Variants in SLC12A2 observed in about 807,000 individuals in gnomAD.
SLC12A2 encodes Na-K-2Cl cotransporter 1.
In SLC12A2, 67 loss-of-function variants were observed where a neutral mutation model predicts 136.3. That is an observed-to-expected ratio of 0.49 (90% CI 0.40 to 0.60). The LOEUF is 0.60. SLC12A2 is among the 20% of genes least tolerant of loss of function. SLC12A2 has a pLI of 0.00. For synonymous variants in SLC12A2, 619 were observed against 562.9 expected (o/e 1.10, Z -1.41); for missense variants, 1,322 against 1,534.7 (o/e 0.86, Z 2.32).
chr5:128,157,477 G>T (rs940761963), intron 15 of SLC12A2, among the ~76,000 whole-genome samples: 1 of 152,126 alleles, frequency 6.6e-6, no homozygotes, highest in Admixed American at 6.6e-5. Context: ...AGTCATTAAT[G>T]TTAAGCTAGA....
chr5:128,126,966 A>ATATATATATATATATATATATATATTT, intron 4 of SLC12A2, among the ~76,000 whole-genome samples: 1 of 21,156 alleles, frequency 4.7e-5, no homozygotes, highest in African/African-American at 2.5e-4. Context: ...ATATATATAT[A>ATATATATATATATATATATATATATTT]TTTTTTTTTT....
chr5:128,126,532 A>G (rs1185725299), intron 4 of SLC12A2, among the ~76,000 whole-genome samples: 2 of 152,194 alleles, frequency 1.3e-5, no homozygotes, highest in Admixed American at 6.5e-5. Context: ...TATATACCCA[A>G]AAGAAAGGAA....
chr5:128,127,286 TA>T (rs1221293847), intron 4 of SLC12A2, among the ~76,000 whole-genome samples: 2 of 151,622 alleles, frequency 1.3e-5, no homozygotes, highest in Non-Finnish European at 2.9e-5. Flanking sequence ...CACGCCCAGC[TA>T]ATTTTTTGTA....
At chr5:128,117,497 A>C (rs76717016) in intron 4 of SLC12A2, among the ~76,000 whole-genome samples, 2,820 of 152,292 alleles carry the variant, frequency 0.019, 73 homozygotes, top group African/African-American at 0.061. Context: ...GTAACCAAGA[A>C]GTCGATGAGA....
chr5:128,144,208 T>C (rs3792866), intron 10 of SLC12A2, among the ~76,000 whole-genome samples: 52,847 of 152,030 alleles, frequency 0.35, 11,889 homozygotes, highest in African/African-American at 0.64. Flanking sequence ...TTTATCAAGT[T>C]TAGTTATGGA....
rs1049745296 is a variant in SLC12A2 at position 128,138,509 on chromosome 5, G to A, written c.1409-88G>A. 1.2e-5 allele frequency: 14 copies of A among 1,162,270 alleles called. No homozygotes were observed. The African/African-American group carries it at 2.2e-4, about 18-fold the overall frequency. The allele number at this position is 1,162,270 out of a possible 1,614,324, so 72.0% of individuals were successfully genotyped here. A position where few individuals can be genotyped will look rare whatever the true frequency, so the allele number is the denominator to read the frequency against. On this transcript the variant is annotated intron_variant, in intron 7 of 26. Transcript: ENST00000262461. Reference sequence around the variant, plus strand: ...GTTACTTTAACTGAAGAAAAGTTAGGGGTCATGTATACCTATTATTCTTGA... The same window carrying A: ...GTTACTTTAACTGAAGAAAAGTTAGAGGTCATGTATACCTATTATTCTTGA...
chr5:128,149,282 A>G (rs1052547832), intron 12 of SLC12A2, among the ~76,000 whole-genome samples: 1 of 151,794 alleles, frequency 6.6e-6, no homozygotes, highest in Non-Finnish European at 1.5e-5. Context: ...CTAACCCCTG[A>G]GACTAGTTGA....
intron 10 of SLC12A2, among the ~76,000 whole-genome samples, chr5:128,146,281 A>G (rs1762524494): frequency 6.6e-6 from 1 of 151,758 alleles, no homozygotes; most frequent in Non-Finnish European, 1.5e-5. Context: ...TATACATCCT[A>G]TGTTCATATT....
intron 10 of SLC12A2, among the ~76,000 whole-genome samples, chr5:128,147,195 A>G (rs982272444): frequency 6.6e-6 from 1 of 151,402 alleles, no homozygotes; most frequent in African/African-American, 2.4e-5. Flanking sequence ...CTGTTAAGCA[A>G]TTATTAAGTT....
At chr5:128,087,964 A>G (rs1317685588) in intron 1 of SLC12A2, among the ~76,000 whole-genome samples, 3 of 151,234 alleles carry the variant, frequency 2.0e-5, no homozygotes, top group African/African-American at 7.3e-5. Flanking sequence ...TCAGTAGCCT[A>G]TAAAGACAAA....
chr5:128,093,026 C>CT (rs1760394989), intron 1 of SLC12A2, among the ~76,000 whole-genome samples: 1 of 152,110 alleles, frequency 6.6e-6, no homozygotes, highest in South Asian at 2.1e-4. Context: ...TCTTTCCTTC[C>CT]TTACCTTTTA....
chr5:128,109,711 AC>A, intron 1 of SLC12A2: 2 of 1,170,236 alleles, frequency 1.7e-6, no homozygotes, highest in Non-Finnish European at 2.6e-6. Context: ...AAGTCCCAGC[AC>A]CAGAGGAGCA....
Position 128,083,883 on chromosome 5 carries a change from G to T in SLC12A2, c.-72G>T. The T allele has an allele frequency of 8.9e-7, 1 of 1,123,188 alleles. No homozygotes were observed. The highest frequency in any genetic ancestry group is 1.1e-6 in the Non-Finnish European group (1 of 894,084). 69.6% of individuals were successfully genotyped at this position (1,123,188 alleles called of 1,614,324 possible). A position where few individuals can be genotyped will look rare whatever the true frequency, so the allele number is the denominator to read the frequency against. On this transcript the variant is annotated 5_prime_UTR_variant, in exon 1 of 27. Coordinates refer to ENST00000262461, the MANE Select transcript of SLC12A2 (RefSeq NM_001046.3). ...GGTCTTGCGGCTGTGGCCACCGCCG[G>T]CCAGGGGTGTGGAGGGCGTGCTGCC...
chr5:128,086,489 G>C (rs1760103947), intron 1 of SLC12A2, among the ~76,000 whole-genome samples: 1 of 152,104 alleles, frequency 6.6e-6, no homozygotes, highest in African/African-American at 2.4e-5. Flanking sequence ...ATAATACCTA[G>C]TTGTTATTTC....
At chr5:128,109,941 C>G (rs138614658) in intron 1 of SLC12A2, 2 of 859,784 alleles carry the variant, frequency 2.3e-6, no homozygotes, top group African/African-American at 3.3e-5. Flanking sequence ...ATGAACTGCC[C>G]AACTGGAAAC....
At chr5:128,114,139 T>C in intron 2 of SLC12A2, 73 bp from the exon 3 acceptor site, 1 of 1,046,246 alleles carries the variant, frequency 9.6e-7, no homozygotes, top group East Asian at 2.4e-5. Context: ...CTACTTTGAC[T>C]GGTTTAATGC....
At chr5:128,130,432 A>G (rs2126696156) in intron 4 of SLC12A2, among the ~76,000 whole-genome samples, 1 of 149,852 alleles carries the variant, frequency 6.7e-6, no homozygotes, top group Non-Finnish European at 1.5e-5. Flanking sequence ...GGAGAATCAC[A>G]TGAACCCAGC....
chr5:128,184,806 G>T lies in SLC12A2; in HGVS notation c.3453G>T (p.Arg1151Ser). 6.2e-7 allele frequency: 1 copy of T among 1,609,134 alleles called. No individual in the cohort carries two copies. The highest frequency in any genetic ancestry group is 8.5e-7 in the Non-Finnish European group (1 of 1,175,772). The change falls in exon 26 of 27, where the codon AGG becomes AGT. Residue 1151 changes from arginine (R) to serine (S), a missense_variant. Physicochemically the swap from Arg to Ser is moderately radical, Grantham distance 110. Coordinates refer to ENST00000262461, the MANE Select transcript of SLC12A2 (RefSeq NM_001046.3). Reference sequence around the variant, plus strand: ...CATTTCAGACATACCGGCAGATCAGGTTAAATGAGTTATTAAAGGAACATT... The same window carrying T: ...CATTTCAGACATACCGGCAGATCAGTTTAAATGAGTTATTAAAGGAACATT... ...LYKTKTYRQI[R>S]LNELLKEHSS...
chr5:128,099,266 C>T lies in SLC12A2; in HGVS notation c.757-13548C>T, dbSNP rs561918561. On this transcript the variant is annotated intron_variant, in intron 1 of 26. Transcript: ENST00000262461. The stretch of plus-strand genomic sequence containing the variant: ...GGCTACAAATCTGTACAGCATGTTA[C>T]TGTACATGGTTGGAACATAATGGTA... 8.5e-5 allele frequency among the ~76,000 whole-genome samples: 13 copies of T among 152,218 alleles called. 1 individual carries two copies. Among genetic ancestry groups the T allele is most frequent in the African/African-American group, 2.9e-4 (12 of 41,536 alleles).
Sources: allele counts gnomAD v4.1 joint callset (sites outside exome capture counted in the v4.1 genomes callset), GRCh38; gene constraint gnomAD v4.1.1; transcripts MANE v1.5; gene names NCBI Gene and HGNC (gene_info 2026-07-23, HGNC 2026-07-21).